CDK14: variants seen among roughly 807,000 people sequenced by gnomAD.
The protein encoded by CDK14 is cyclin-dependent kinase 14.
CDK14 carries 34 observed loss-of-function variants against 60.7 expected under a neutral mutation model. The observed-to-expected ratio is 0.56, with a 90% confidence interval of 0.43 to 0.75. The LOEUF is 0.75. Among genes scored for constraint, CDK14 ranks in the 30% least tolerant of loss-of-function variants. The probability of loss-of-function intolerance (pLI) is 0.00; values close to 1 mark genes in which losing one functional copy is unlikely to be tolerated. For missense variants in CDK14, 482 were observed against 564.1 expected (o/e 0.85, Z 1.47); for synonymous variants, 197 against 203.7 (o/e 0.97, Z 0.28).
At chr7:91,129,686 C>A (rs187811949) in intron 14 of CDK14, among the ~76,000 whole-genome samples, 1 of 152,186 alleles carries the variant, frequency 6.6e-6, no homozygotes, top group East Asian at 1.9e-4. Context: ...AAGCAAAAAA[C>A]CAGTATTAAT....
intron 5 of CDK14, among the ~76,000 whole-genome samples, chr7:90,834,080 A>G (rs962881989): frequency 3.3e-5 from 5 of 152,200 alleles, no homozygotes; most frequent in African/African-American, 4.8e-5. Context: ...GATGTTTGTC[A>G]TCATATGGTC....
intron 5 of CDK14, among the ~76,000 whole-genome samples, chr7:90,818,906 G>A (rs60544040): frequency 1.6e-3 from 184 of 113,172 alleles, no homozygotes; most frequent in African/African-American, 5.1e-3. Flanking sequence ...GTGTGTGTGT[G>A]TGTATATATA....
chr7:90,640,499 A>G (rs1329732618), intron 2 of CDK14, among the ~76,000 whole-genome samples: 1 of 152,116 alleles, frequency 6.6e-6, no homozygotes, highest in Non-Finnish European at 1.5e-5. Flanking sequence ...TTATTTCATT[A>G]GGTTGAAATT....
intron 4 of CDK14, among the ~76,000 whole-genome samples, chr7:90,768,301 C>T (rs535372734): frequency 7.2e-5 from 11 of 152,340 alleles, no homozygotes; most frequent in Non-Finnish European, 1.6e-4. Flanking sequence ...ACTTAATGAT[C>T]AGCATGTATA....
At chr7:90,955,555 G>T (rs1794385614) in intron 8 of CDK14, 142 bp from the exon 9 acceptor site, 1 of 802,514 alleles carries the variant, frequency 1.2e-6, no homozygotes. Context: ...GCTTTCCCCA[G>T]TTTTCTATTA....
Position 91,045,898 on chromosome 7 carries a change from T to C in CDK14, c.1043T>C (p.Val348Ala), listed in dbSNP as rs972174121. Residue 348 changes from valine (V) to alanine (A), a missense_variant and splice_region_variant, in exon 11 of 15, where the codon GTT becomes GCT. Val to Ala is a moderately conservative substitution (Grantham distance 64). Transcript: ENST00000380050. ...CCACAATCTCCTACTCTCCACTAGG[T>C]TCTTGGAACACCAAATGAGGACACA... ...IQDQLERIFL[V>A]LGTPNEDTWP... 2 of 1,606,238 alleles carry C rather than the reference T, an allele frequency of 1.2e-6. No homozygotes were observed. Among genetic ancestry groups the C allele is most frequent in the African/African-American group, 1.3e-5 (1 of 74,860 alleles).
At chr7:90,854,563 A>G (rs1790757770) in intron 5 of CDK14, among the ~76,000 whole-genome samples, 1 of 152,074 alleles carries the variant, frequency 6.6e-6, no homozygotes, top group African/African-American at 2.4e-5. Flanking sequence ...ACGTAAATAC[A>G]AATCTAGTCA....
intron 8 of CDK14, among the ~76,000 whole-genome samples, chr7:90,954,020 T>C (rs1211504310): frequency 6.6e-6 from 1 of 152,148 alleles, no homozygotes; most frequent in Non-Finnish European, 1.5e-5. Flanking sequence ...TCCATTCATG[T>C]GGAGAAAAAT....
intron 11 of CDK14, among the ~76,000 whole-genome samples, chr7:91,062,242 A>G (rs994999590): frequency 6.6e-6 from 1 of 152,154 alleles, no homozygotes; most frequent in Non-Finnish European, 1.5e-5. Flanking sequence ...TGCTAAGACC[A>G]TTGGAAAAGC....
At chr7:90,703,303 T>G (rs1318626719) in intron 2 of CDK14, among the ~76,000 whole-genome samples, 1 of 152,180 alleles carries the variant, frequency 6.6e-6, no homozygotes, top group Non-Finnish European at 1.5e-5. Context: ...TGTGATACTG[T>G]TATTTCGTGG....
At chr7:90,630,846 T>C (rs1263591196) in intron 2 of CDK14, among the ~76,000 whole-genome samples, 1 of 151,344 alleles carries the variant, frequency 6.6e-6, no homozygotes, top group African/African-American at 2.4e-5. Flanking sequence ...CATTAAATCA[T>C]TTGGTGGTGT....
At chr7:90,951,547 T>C (rs1794264220) in intron 8 of CDK14, among the ~76,000 whole-genome samples, 1 of 152,228 alleles carries the variant, frequency 6.6e-6, no homozygotes, top group South Asian at 2.1e-4. Context: ...TGATCATTTC[T>C]GAACCTTATC....
At chr7:90,890,192 G>C (rs891698203) in intron 6 of CDK14, among the ~76,000 whole-genome samples, 8 of 152,250 alleles carry the variant, frequency 5.3e-5, no homozygotes, top group Non-Finnish European at 7.3e-5. Context: ...GGACAACATA[G>C]TGAGAGTCCG....
intron 9 of CDK14, among the ~76,000 whole-genome samples, chr7:90,978,991 A>G (rs1795152079): frequency 1.3e-5 from 2 of 152,168 alleles, no homozygotes; most frequent in African/African-American, 4.8e-5. Context: ...ACATAGGTCA[A>G]GATTTCACAA....
At position 90,642,086 on chromosome 7, in the gene CDK14, A is replaced by G. The variant is rs1035514529; in HGVS notation, c.123+37837A>G. Among the ~76,000 whole-genome samples the G allele has an allele frequency of 3.3e-5, 5 of 152,378 alleles. No individual in the cohort carries two copies. In the South Asian group the frequency reaches 8.3e-4, roughly 25 times the overall value. ...ACACATGGGAATTATGGGAGCTACA[A>G]GATGAGATTTGAGTGGGGACGCAGA... On this transcript the variant is annotated intron_variant, in intron 2 of 14. Transcript: ENST00000380050.
chr7:90,894,662 A>G (rs919881524), intron 6 of CDK14, among the ~76,000 whole-genome samples: 12 of 152,208 alleles, frequency 7.9e-5, no homozygotes, highest in African/African-American at 2.9e-4. Flanking sequence ...AAAGTTTAAG[A>G]TAATTCACAA....
chr7:91,179,192 A>G (rs1044681979), intron 14 of CDK14, among the ~76,000 whole-genome samples: 2 of 151,948 alleles, frequency 1.3e-5, no homozygotes, highest in Non-Finnish European at 2.9e-5. Context: ...TGATGAGTTC[A>G]TGTCCTTTGT....
intron 10 of CDK14, among the ~76,000 whole-genome samples, chr7:91,015,983 G>T (rs1374829476): frequency 1.3e-5 from 2 of 152,076 alleles, no homozygotes; most frequent in Non-Finnish European, 2.9e-5. Context: ...TGGGAAATAG[G>T]TTATCAGTAT....
intron 5 of CDK14, among the ~76,000 whole-genome samples, chr7:90,812,236 A>G (rs200540163): frequency 1.2e-4 from 19 of 152,334 alleles, no homozygotes; most frequent in Admixed American, 4.6e-4. Context: ...AACAATGATA[A>G]ACTGGATTAA....
Sources: gnomAD v4.1 joint callset for allele counts (sites outside exome capture counted in the v4.1 genomes callset) on GRCh38, gnomAD v4.1.1 for gene constraint, MANE v1.5 for transcripts, NCBI Gene and HGNC (gene_info 2026-07-23, HGNC 2026-07-21) for gene names.